FAM86B1: variants seen among roughly 807,000 people sequenced by gnomAD.
The protein encoded by FAM86B1 is putative protein N-methyltransferase FAM86B1.
For missense variants in FAM86B1, 13 were observed against 328.1 expected (o/e 0.04, Z 7.42); for synonymous variants, 4 against 137.6 (o/e 0.03, Z 6.79).
At chr8:12,191,064 G>A (rs1240479484) in intron 2 of FAM86B1, among the ~76,000 whole-genome samples, 1 of 147,326 alleles carries the variant, frequency 6.8e-6, no homozygotes, top group African/African-American at 2.6e-5. Context: ...TCTTTTCCAC[G>A]TGGATAATCT....
At chr8:12,189,294 AT>A (rs1806405736) in intron 3 of FAM86B1, among the ~76,000 whole-genome samples, 8 of 66,380 alleles carry the variant, frequency 1.2e-4, no homozygotes, top group East Asian at 9.1e-4. Context: ...AAATAAATAA[AT>A]AAATAAGTAA....
chr8:12,187,255 C>T (rs1287914561), intron 3 of FAM86B1, among the ~76,000 whole-genome samples: 4 of 29,558 alleles, frequency 1.4e-4, no homozygotes, highest in African/African-American at 2.9e-4. Context: ...GTCAGTGGCA[C>T]GATCTTGGCT....
chr8:12,182,272 G>C lies in FAM86B1; in HGVS notation c.*1334C>G, dbSNP rs1467006233. On this transcript the variant is annotated 3_prime_UTR_variant, in exon 7 of 7. Coordinates refer to ENST00000448228, the MANE Select transcript of FAM86B1 (RefSeq NM_001083537.4). Reference sequence around the variant, plus strand: ...GGTGGGACTGTGTTGGCCAGAGGCCGAGAGGAGGGTGCTCACAGGGGAACG... The same window carrying C: ...GGTGGGACTGTGTTGGCCAGAGGCCCAGAGGAGGGTGCTCACAGGGGAACG... 2 of 231,646 alleles carry C rather than the reference G, an allele frequency of 8.6e-6. No homozygotes were observed. Among genetic ancestry groups the C allele is most frequent in the African/African-American group, 5.6e-5 (2 of 35,694 alleles). 14.3% of individuals were successfully genotyped at this position (231,646 alleles called of 1,614,324 possible).
At chr8:12,192,821 A>C (rs1404308862) in intron 1 of FAM86B1, among the ~76,000 whole-genome samples, 1 of 150,440 alleles carries the variant, frequency 6.6e-6, no homozygotes, top group Non-Finnish European at 1.5e-5. Context: ...TGCATTTACC[A>C]TGAGCCAGGC....
At chr8:12,193,002 C>G (rs1367317301) in intron 1 of FAM86B1, among the ~76,000 whole-genome samples, 5 of 143,506 alleles carry the variant, frequency 3.5e-5, no homozygotes, top group African/African-American at 1.4e-4. Flanking sequence ...CAGGCTGTCT[C>G]CTGGGTCTGA....
Position 12,185,471 on chromosome 8 carries a change from A to G in FAM86B1, c.695T>C (p.Leu232Pro), listed in dbSNP as rs1563189830. ...CCGCTTGTGCTCCCGGCAGGCAGCC[A>G]GCCTCTGCAGGACCCCGACCAGCGA... ...IVSLVGVLQR[L>P]AACREHKRAP... is the part of the protein sequence containing the mutation. Residue 232 changes from leucine (L) to proline (P), a missense_variant, in exon 6 of 7, where the codon CTG (leucine) becomes CCG (proline). Transcript: ENST00000448228. 1 of 1,577,196 alleles carries G rather than the reference A, an allele frequency of 6.3e-7. No homozygotes were observed. The highest frequency in any genetic ancestry group is 1.1e-5 in the South Asian group (1 of 87,644).
upstream of FAM86B1, chr8:12,194,473 C>G (rs1352280058): frequency 2.7e-6 from 1 of 367,270 alleles, no homozygotes; most frequent in Admixed American, 3.9e-5. Flanking sequence ...ATTCAGGAGG[C>G]GGGACCCAGA....
chr8:12,192,990 G>A (rs1236313066), intron 1 of FAM86B1, among the ~76,000 whole-genome samples: 103 of 143,624 alleles, frequency 7.2e-4, no homozygotes, highest in Admixed American at 2.8e-3. Flanking sequence ...ATTCGAAGCA[G>A]GCAGGCTGTC....
intron 1 of FAM86B1, among the ~76,000 whole-genome samples, chr8:12,193,284 C>A (rs548243642): frequency 8.2e-5 from 12 of 145,958 alleles, no homozygotes; most frequent in African/African-American, 3.3e-4. Flanking sequence ...TTAAGCAACA[C>A]CCCATAAAAT....
In FAM86B1 at chr8:12,182,532, C is replaced by A. The variant is rs1462357247; in HGVS notation, c.*1074G>T. 17 of 1,502,110 alleles carry A rather than the reference C, an allele frequency of 1.1e-5. No individual in the cohort carries two copies. The East Asian group carries it at 1.6e-4, about 14-fold the overall frequency. The allele number at this position is 1,502,110 out of a possible 1,614,324, so 93.0% of individuals were successfully genotyped here. ...GACCTGGGGTCATCCAAGTGGTGAC[C>A]TGGGATGGGGTGGGGACAGGCAATG... On this transcript the variant is annotated 3_prime_UTR_variant, in exon 7 of 7. Coordinates refer to ENST00000448228, the MANE Select transcript of FAM86B1 (RefSeq NM_001083537.4).
At chr8:12,191,104 C>T (rs1418809511) in intron 2 of FAM86B1, among the ~76,000 whole-genome samples, 98 of 130,972 alleles carry the variant, frequency 7.5e-4, no homozygotes, top group African/African-American at 2.8e-3. Context: ...GAATTCTTCA[C>T]CGGGGCTCCT....
At chr8:12,193,312 G>T (rs1807246744) in intron 1 of FAM86B1, among the ~76,000 whole-genome samples, 1 of 145,296 alleles carries the variant, frequency 6.9e-6, no homozygotes, top group African/African-American at 2.8e-5. Context: ...ACCCAGGGAG[G>T]AATATATATC....
At chr8:12,190,268 G>A (rs1164316908) in intron 2 of FAM86B1, among the ~76,000 whole-genome samples, 1 of 146,858 alleles carries the variant, frequency 6.8e-6, no homozygotes, top group African/African-American at 2.6e-5. Context: ...CTCTCTGGGA[G>A]CGTGTGTCCC....
chr8:12,188,203 G>C lies in FAM86B1; in HGVS notation c.241-1370C>G. 3 of 853,446 alleles carry C rather than the reference G, an allele frequency of 3.5e-6. 1 individual carries two copies. The East Asian group carries it at 1.1e-4, about 30-fold the overall frequency. 52.9% of individuals were successfully genotyped at this position (853,446 alleles called of 1,614,324 possible). A position where few individuals can be genotyped will look rare whatever the true frequency, so the allele number is the denominator to read the frequency against. On this transcript the variant is annotated intron_variant, in intron 3 of 6. Coordinates refer to ENST00000448228, the MANE Select transcript of FAM86B1 (RefSeq NM_001083537.4). ...GGGCAGACAGAGTGAGAGCTTGTTT[G>C]CTTTCGTTCTAATCTGTAAAAATGG...
chr8:12,192,733 C>A (rs1323808813), intron 1 of FAM86B1, among the ~76,000 whole-genome samples: 1 of 142,800 alleles, frequency 7.0e-6, no homozygotes, highest in Non-Finnish European at 1.5e-5. Flanking sequence ...ATGGGTACTG[C>A]CGATCCATGG....
intron 1 of FAM86B1, among the ~76,000 whole-genome samples, chr8:12,193,303 C>G (rs2150760723): frequency 1.4e-5 from 2 of 145,562 alleles, no homozygotes; most frequent in South Asian, 4.2e-4. Flanking sequence ...ATGGGGCAGA[C>G]CCAGGGAGGA....
intron 2 of FAM86B1, among the ~76,000 whole-genome samples, chr8:12,191,084 T>C (rs1806786197): frequency 7.0e-6 from 1 of 143,632 alleles, no homozygotes; most frequent in Non-Finnish European, 1.5e-5. Flanking sequence ...TTGGTTCATC[T>C]CTAGCACAGG....
chr8:12,191,617 G>C (rs1179222454), intron 2 of FAM86B1, among the ~76,000 whole-genome samples, 162 bp downstream of exon 2: 4 of 141,110 alleles, frequency 2.8e-5, no homozygotes, highest in African/African-American at 9.0e-5. Context: ...CGTAGGAGCT[G>C]TCGGAGGTGC....
At chr8:12,194,747 A>G (rs1198911822), upstream of FAM86B1, 1 of 151,330 alleles carries the variant, frequency 6.6e-6, no homozygotes, top group Non-Finnish European at 1.4e-5. Flanking sequence ...GGAGGGACCC[A>G]GGGACTGGGA....
Sources: gnomAD v4.1 joint callset for allele counts (sites outside exome capture counted in the v4.1 genomes callset) on GRCh38, gnomAD v4.1.1 for gene constraint, MANE v1.5 for transcripts, NCBI Gene and HGNC (gene_info 2026-07-23, HGNC 2026-07-21) for gene names.